Variants in MED13 observed in about 807,000 individuals in gnomAD.
MED13 encodes the protein mediator complex subunit 13.
MED13 carries 23 observed loss-of-function variants against 225.2 expected under a neutral mutation model. The ratio of observed to expected loss-of-function variants is 0.10; its 90% CI spans 0.07 to 0.14. MED13 has a LOEUF of 0.14. MED13 is among the 10% of genes least tolerant of loss of function. MED13 has a pLI of 1.00. For synonymous variants in MED13, 942 were observed against 889.2 expected (o/e 1.06, Z -1.06); for missense variants, 2,197 against 2,594.5 (o/e 0.85, Z 3.33).
intron 16 of MED13, among the ~76,000 whole-genome samples, chr17:61,976,971 T>G (rs1381514777): frequency 6.6e-6 from 1 of 152,156 alleles, no homozygotes; most frequent in East Asian, 1.9e-4. Flanking sequence ...AATACATATA[T>G]ATACAAACTA....
intron 11 of MED13, among the ~76,000 whole-genome samples, chr17:61,990,502 T>C (rs541376006): frequency 6.6e-6 from 1 of 151,912 alleles, no homozygotes; most frequent in East Asian, 1.9e-4. Context: ...TGTAACTGTG[T>C]TGTGACACAG....
At chr17:61,952,790 C>A (rs960628126) in intron 27 of MED13, among the ~76,000 whole-genome samples, 175 bp downstream of exon 27, 17 of 152,190 alleles carry the variant, frequency 1.1e-4, no homozygotes, top group Non-Finnish European at 2.4e-4. Flanking sequence ...GTGCGTGCCA[C>A]CTTACCCGGC....
At chr17:62,012,654 A>C (rs2080522873) in intron 8 of MED13, among the ~76,000 whole-genome samples, 1 of 151,708 alleles carries the variant, frequency 6.6e-6, no homozygotes, top group Non-Finnish European at 1.5e-5. Flanking sequence ...ATGTGGTAAG[A>C]TATGGAGTTT....
At chr17:61,956,304 C>A in intron 24 of MED13, 35 bp downstream of exon 24, 2 of 1,581,316 alleles carry the variant, frequency 1.3e-6, no homozygotes, top group South Asian at 2.3e-5. Context: ...TTACATAAAA[C>A]GGAAATATAA....
At chr17:62,044,696 CTT>C (rs765408651) in intron 3 of MED13, among the ~76,000 whole-genome samples, 2 of 152,124 alleles carry the variant, frequency 1.3e-5, no homozygotes, top group Non-Finnish European at 2.9e-5. Flanking sequence ...GAGTTTCACT[CTT>C]GTCACCCAGG....
intron 6 of MED13, 93 bp from the exon 7 acceptor site, chr17:62,030,106 G>T: frequency 8.9e-7 from 1 of 1,121,234 alleles, no homozygotes; most frequent in Non-Finnish European, 1.2e-6. Context: ...GATACAAGCT[G>T]CTCCAGCTAT....
intron 8 of MED13, among the ~76,000 whole-genome samples, chr17:62,023,243 G>A (rs1480496697): frequency 3.3e-5 from 5 of 152,006 alleles, no homozygotes; most frequent in Non-Finnish European, 7.4e-5. Context: ...CAATTTTTAA[G>A]AGAAGCCAAT....
At chr17:62,048,193 G>A (rs559240422) in intron 3 of MED13, among the ~76,000 whole-genome samples, 25 of 149,880 alleles carry the variant, frequency 1.7e-4, no homozygotes, top group Admixed American at 1.7e-3. Context: ...AACACTTGAG[G>A]CCAGGAGATC....
chr17:61,952,805 T>G (rs1361054326), intron 27 of MED13, among the ~76,000 whole-genome samples, 160 bp downstream of exon 27: 1 of 152,172 alleles, frequency 6.6e-6, no homozygotes, highest in African/African-American at 2.4e-5. Context: ...CCCGGCTATT[T>G]TTTACATTTT....
chr17:61,955,910 T>C (rs1415983441), intron 24 of MED13, 72 bp from the exon 25 acceptor site: 25 of 1,395,444 alleles, frequency 1.8e-5, no homozygotes, highest in Non-Finnish European at 2.3e-5. Context: ...TAATATCCTG[T>C]AGAACCAAGT....
At chr17:61,994,001 T>G (rs2080326227) in intron 10 of MED13, among the ~76,000 whole-genome samples, 1 of 151,692 alleles carries the variant, frequency 6.6e-6, no homozygotes, top group South Asian at 2.1e-4. Context: ...TTTACAGATT[T>G]CAATTTTTTT....
At chr17:61,957,706 G>A (rs796779323) in intron 23 of MED13, among the ~76,000 whole-genome samples, 3 of 152,138 alleles carry the variant, frequency 2.0e-5, no homozygotes, top group African/African-American at 7.2e-5. Context: ...TTTGGTCCAT[G>A]GGCTGCAGTA....
At chr17:62,063,790 GAA>G (rs1205140435) in intron 1 of MED13, among the ~76,000 whole-genome samples, 1 of 152,172 alleles carries the variant, frequency 6.6e-6, no homozygotes, top group Non-Finnish European at 1.5e-5. Context: ...ACCCCTGTCG[GAA>G]AAGTCAAATA....
At position 62,061,287 on chromosome 17, in the gene MED13, G is replaced by A. The variant is rs371471662; in HGVS notation, c.301+1780C>T. Among the ~76,000 whole-genome samples the A allele has an allele frequency of 9.9e-5, 15 of 152,150 alleles. No homozygotes were observed. In the East Asian group the frequency reaches 2.5e-3, roughly 25 times the overall value. ...TAATCCCAGCACTTTGGGAGGTTAA[G>A]ATGGAAGGATCACTAGAGTTCAGGA... On this transcript the variant is annotated intron_variant, in intron 2 of 29. Coordinates refer to ENST00000397786, the MANE Select transcript of MED13 (RefSeq NM_005121.3).
rs540629578 is a variant in MED13, at chr17:61,946,435, G to A, written c.*33C>T. 3 of 1,545,166 alleles carry A rather than the reference G, an allele frequency of 1.9e-6. No individual in the cohort carries two copies. Among genetic ancestry groups the A allele is most frequent in the African/African-American group, 1.4e-5 (1 of 73,784 alleles). ...TGCAGCGAAACATCCATTTTTCCTTGTTCTTTTCTTGCACAGTTCCATCAA... is the reference window on the plus strand; with the variant it reads ...TGCAGCGAAACATCCATTTTTCCTTATTCTTTTCTTGCACAGTTCCATCAA... On this transcript the variant is annotated 3_prime_UTR_variant, in exon 30 of 30. Transcript: ENST00000397786.
intron 8 of MED13, 62 bp from the exon 9 acceptor site, chr17:62,011,295 C>T: frequency 3.6e-6 from 5 of 1,374,852 alleles, no homozygotes; most frequent in Non-Finnish European, 5.0e-6. Flanking sequence ...AGTATAATAC[C>T]AGTTAATAGT....
At position 62,031,520 on chromosome 17, in the gene MED13, C is replaced by T; in HGVS notation, c.933G>A (p.Val311=). ...CSSSCLGVHQ[V]PASTRDPAMS... is the part of the protein sequence containing the mutation. ...TAGCAGGATCTCTTGTGGAAGCAGGCACTTGGTGGACACCCAAGCAAGAAG... is the reference window on the plus strand; with the variant it reads ...TAGCAGGATCTCTTGTGGAAGCAGGTACTTGGTGGACACCCAAGCAAGAAG... The change falls in exon 6 of 30, where the codon GTG becomes GTA. Residue 311 remains valine, a synonymous_variant. Coordinates refer to ENST00000397786, the MANE Select transcript of MED13 (RefSeq NM_005121.3). The T allele has an allele frequency of 6.2e-7, 1 of 1,613,880 alleles. No homozygotes were observed. The highest frequency in any genetic ancestry group is 8.5e-7 in the Non-Finnish European group (1 of 1,179,946).
intron 23 of MED13, 48 bp downstream of exon 23, chr17:61,960,819 A>G (rs2079992027): frequency 7.5e-7 from 1 of 1,329,238 alleles, no homozygotes; most frequent in South Asian, 1.3e-5. Context: ...AAATGAAACA[A>G]AATGTTACAA....
chr17:61,957,769 C>A (rs1243627152), intron 23 of MED13, among the ~76,000 whole-genome samples: 1 of 152,238 alleles, frequency 6.6e-6, no homozygotes, highest in Non-Finnish European at 1.5e-5. Flanking sequence ...CACCACACTT[C>A]TCAGTCCAAA....
Sources: gnomAD v4.1 joint callset for allele counts (sites outside exome capture counted in the v4.1 genomes callset) on GRCh38, gnomAD v4.1.1 for gene constraint, MANE v1.5 for transcripts, NCBI Gene and HGNC (gene_info 2026-07-23, HGNC 2026-07-21) for gene names.